DYNC2I1: variants seen among roughly 807,000 people sequenced by gnomAD.
DYNC2I1 encodes the protein cytoplasmic dynein 2 intermediate chain 1.
Under a neutral mutation model 133.4 loss-of-function variants are expected in DYNC2I1, and 89 were observed. The observed-to-expected ratio is 0.67, with a 90% CI of 0.56 to 0.80. The LOEUF is 0.80. DYNC2I1 is among the 30% of genes least tolerant of loss of function. The pLI is 0.00. For missense variants in DYNC2I1, 1,291 were observed against 1,314.5 expected, an observed-to-expected ratio of 0.98 and a Z score of 0.28; for synonymous variants, 504 against 484.3, an observed-to-expected ratio of 1.04 and a Z score of -0.54.
intron 24 of DYNC2I1, 132 bp downstream of exon 24, chr7:158,942,280 A>G (rs1035366711): frequency 1.5e-6 from 1 of 680,144 alleles, no homozygotes; most frequent in Non-Finnish European, 2.3e-6. Context: ...GTAAATTTAA[A>G]TAATATGTTC....
At position 158,889,107 on chromosome 7, in the gene DYNC2I1, G is replaced by C. The variant is rs188711628; in HGVS notation, c.990+2032G>C. 1.9e-3 allele frequency among the ~76,000 whole-genome samples: 261 copies of C among 140,170 alleles called. 1 individual carries two copies. In the Middle Eastern group the frequency reaches 0.036, roughly 19 times the overall value. 92.0% of individuals were successfully genotyped at this position (140,170 alleles called of 152,430 possible). On this transcript the variant is annotated intron_variant, in intron 7 of 24. Coordinates refer to ENST00000407559, the MANE Select transcript of DYNC2I1 (RefSeq NM_018051.5). ...TTTTTTTTTTTTTTTTTGACATGGG[G>C]TCTCGCTTTGTCACCCAGGCTGGAG...
intron 1 of DYNC2I1, among the ~76,000 whole-genome samples, chr7:158,861,519 C>T (rs1463848781): frequency 6.6e-6 from 1 of 152,214 alleles, no homozygotes. Flanking sequence ...CCTCCCCACA[C>T]TTCTCATCTG....
chr7:158,944,596 C>T (rs1046801604), intron 24 of DYNC2I1, among the ~76,000 whole-genome samples: 1 of 152,188 alleles, frequency 6.6e-6, no homozygotes, highest in Admixed American at 6.5e-5. Flanking sequence ...TGTCACGAGG[C>T]TTCATTCCCA....
chr7:158,905,231 C>G (rs1284283807), intron 10 of DYNC2I1: 1 of 364,292 alleles, frequency 2.7e-6, no homozygotes, highest in Non-Finnish European at 5.2e-6. Flanking sequence ...ACCTTCATTT[C>G]CTGGATTCAA....
chr7:158,863,328 A>G (rs1289794049), intron 1 of DYNC2I1, among the ~76,000 whole-genome samples: 1 of 152,146 alleles, frequency 6.6e-6, no homozygotes, highest in Non-Finnish European at 1.5e-5. Flanking sequence ...AACCTTCAGC[A>G]AGACAGAGTC....
chr7:158,956,662 T>C (rs1409339478), exon 5 of DYNC2I1: 2 of 152,308 alleles, frequency 1.3e-5, no homozygotes, highest in Non-Finnish European at 2.9e-5. Flanking sequence ...TGCCCAGATC[T>C]GTGGAGCAGC....
At chr7:158,909,002 T>A (rs1847114710) in intron 11 of DYNC2I1, among the ~76,000 whole-genome samples, 1 of 152,106 alleles carries the variant, frequency 6.6e-6, no homozygotes, top group African/African-American at 2.4e-5. Flanking sequence ...ATGGGATGAA[T>A]TTTTCTTTTA....
In DYNC2I1 at chr7:158,886,661, T is replaced by G. The variant is rs1170910953; in HGVS notation, c.936-360T>G. Among the ~76,000 whole-genome samples the G allele has an allele frequency of 4.6e-5, 7 of 152,188 alleles. 1 individual carries two copies. Among genetic ancestry groups the G allele is most frequent in the Admixed American group, 4.6e-4 (7 of 15,282 alleles). ...CTCTGTCGCCCAGGCTGTAGTGCAG[T>G]GGCACAATCATGGCTCACTGCAGCT... On this transcript the variant is annotated intron_variant, in intron 6 of 24. Transcript: ENST00000407559.
At chr7:158,928,958 T>C (rs1227277928) in intron 20 of DYNC2I1, among the ~76,000 whole-genome samples, 1 of 152,200 alleles carries the variant, frequency 6.6e-6, no homozygotes, top group African/African-American at 2.4e-5. Flanking sequence ...CAGGTGATAA[T>C]CCGGCTATGG....
chr7:158,910,414 G>A (rs930371171), intron 11 of DYNC2I1, among the ~76,000 whole-genome samples: 7 of 91,146 alleles, frequency 7.7e-5, no homozygotes, highest in Non-Finnish European at 1.4e-4. Context: ...CTGTGGGAGC[G>A]CGATTGGCTG....
intron 15 of DYNC2I1, among the ~76,000 whole-genome samples, chr7:158,920,755 G>A (rs925404129): frequency 6.6e-6 from 1 of 152,198 alleles, no homozygotes; most frequent in Non-Finnish European, 1.5e-5. Context: ...CTGCAAGAGA[G>A]GCATGAGACG....
intron 4 of DYNC2I1, among the ~76,000 whole-genome samples, chr7:158,878,285 TG>T (rs1245536819): frequency 7.8e-6 from 1 of 128,690 alleles, no homozygotes; most frequent in Non-Finnish European, 1.6e-5. Flanking sequence ...GAGGGCCGAC[TG>T]TGAGTGCTGG....
chr7:158,929,973 C>T (rs894851249), intron 20 of DYNC2I1, among the ~76,000 whole-genome samples: 1 of 152,224 alleles, frequency 6.6e-6, no homozygotes, highest in East Asian at 1.9e-4. Context: ...ACGCACTCGG[C>T]TGAGGAGCCA....
At chr7:158,924,090 C>T (rs527626329) in intron 17 of DYNC2I1, among the ~76,000 whole-genome samples, 2 of 152,308 alleles carry the variant, frequency 1.3e-5, no homozygotes, top group South Asian at 4.1e-4. Flanking sequence ...TGAGGGCTGC[C>T]AGGAACCAGC....
At chr7:158,896,144 T>C (rs1437905650) in intron 8 of DYNC2I1, among the ~76,000 whole-genome samples, 1 of 152,092 alleles carries the variant, frequency 6.6e-6, no homozygotes, top group African/African-American at 2.4e-5. Context: ...TGACACGGAG[T>C]GGTGAGATGA....
intron 1 of DYNC2I1, among the ~76,000 whole-genome samples, chr7:158,862,626 G>A (rs541350824): frequency 6.6e-6 from 1 of 152,072 alleles, no homozygotes; most frequent in East Asian, 1.9e-4. Flanking sequence ...AGGCTGAGGT[G>A]GGAGGATTTC....
chr7:158,900,585 G>A (rs369384385), intron 8 of DYNC2I1, among the ~76,000 whole-genome samples: 4 of 152,060 alleles, frequency 2.6e-5, no homozygotes, highest in African/African-American at 9.7e-5. Context: ...TCCTGGATGC[G>A]TGGTTTGGTG....
Position 158,869,854 on chromosome 7 carries a change from G to A in DYNC2I1, c.16-1G>A. On this transcript the variant is annotated splice_acceptor_variant, in intron 1 of 24. Coordinates refer to ENST00000407559, the MANE Select transcript of DYNC2I1 (RefSeq NM_018051.5). LOFTEE classifies it high-confidence loss of function. ...TTCTAACTTTATACTTTTCTATTTA[G>A]AGAAGAACCAAAGATGATACCTGGA... 6.2e-7 allele frequency: 1 copy of A among 1,611,248 alleles called. No individual in the cohort carries two copies. Among genetic ancestry groups the A allele is most frequent in the Non-Finnish European group, 8.5e-7 (1 of 1,177,834 alleles).
intron 11 of DYNC2I1, among the ~76,000 whole-genome samples, chr7:158,909,114 TG>T (rs1847126798): frequency 6.6e-6 from 1 of 151,970 alleles, no homozygotes; most frequent in Non-Finnish European, 1.5e-5. Flanking sequence ...GCGGATCACC[TG>T]AGGTCAGGAG....
Sources: gnomAD v4.1 joint callset for allele counts (sites outside exome capture counted in the v4.1 genomes callset) on GRCh38, gnomAD v4.1.1 for gene constraint, MANE v1.5 for transcripts, NCBI Gene and HGNC (gene_info 2026-07-23, HGNC 2026-07-21) for gene names.